CACNA1E: variants seen among roughly 807,000 people sequenced by gnomAD.
The protein encoded by CACNA1E is voltage-dependent R-type calcium channel subunit alpha-1E.
CACNA1E carries 40 observed loss-of-function variants against 259.2 expected under a neutral mutation model. That is an observed-to-expected ratio of 0.15 (90% confidence interval 0.12 to 0.20). The LOEUF is 0.20. Ranked by LOEUF, CACNA1E falls within the 10% of genes least tolerant of loss-of-function variation. The pLI, the probability that CACNA1E is intolerant of heterozygous loss-of-function variation, is 1.00. For synonymous variants in CACNA1E, 1,104 were observed against 1,138.5 expected (o/e 0.97, Z 0.61); for missense variants, 1,874 against 3,040.1 (o/e 0.62, Z 9.02).
At chr1:181,584,537 T>C (rs1430852401) in intron 6 of CACNA1E, among the ~76,000 whole-genome samples, 2 of 152,224 alleles carry the variant, frequency 1.3e-5, no homozygotes, top group African/African-American at 4.8e-5. Context: ...TTTTCACAGC[T>C]GCATATAGTC....
upstream of CACNA1E, among the ~76,000 whole-genome samples, chr1:181,480,707 G>A (rs1045710244): frequency 5.9e-5 from 9 of 152,200 alleles, no homozygotes; most frequent in Non-Finnish European, 1.2e-4. Flanking sequence ...CCGCCAGCCT[G>A]CTGAGGCAGA....
At chr1:181,694,155 G>A (rs2102338759) in intron 7 of CACNA1E, among the ~76,000 whole-genome samples, 1 of 152,278 alleles carries the variant, frequency 6.6e-6, no homozygotes, top group Non-Finnish European at 1.5e-5. Context: ...AGGATAATAT[G>A]TCATTACCAC....
At chr1:181,648,514 G>T (rs1399727318) in intron 6 of CACNA1E, among the ~76,000 whole-genome samples, 1 of 152,144 alleles carries the variant, frequency 6.6e-6, no homozygotes, top group Non-Finnish European at 1.5e-5. Context: ...TGAAATGGTG[G>T]AATAAACAAG....
intron 3 of CACNA1E, among the ~76,000 whole-genome samples, chr1:181,518,487 G>A (rs1262564569): frequency 6.6e-6 from 1 of 152,164 alleles, no homozygotes; most frequent in Admixed American, 6.5e-5. Context: ...GAAAAGATAA[G>A]GTTAGAATAT....
intron 1 of CACNA1E, among the ~76,000 whole-genome samples, chr1:181,364,261 T>G (rs1320395841): frequency 6.6e-6 from 1 of 152,234 alleles, no homozygotes; most frequent in Non-Finnish European, 1.5e-5. Flanking sequence ...CTAAGCGCCT[T>G]TGTCCAGCTT....
chr1:181,331,292 A>T (rs1485951490), intron 1 of CACNA1E, among the ~76,000 whole-genome samples: 1 of 152,122 alleles, frequency 6.6e-6, no homozygotes, highest in Non-Finnish European at 1.5e-5. Context: ...GAACTGGCTT[A>T]CGTGATTACG....
chr1:181,757,784 C>T (rs1040865142), intron 30 of CACNA1E, among the ~76,000 whole-genome samples, 163 bp from the exon 31 acceptor site: 2 of 152,118 alleles, frequency 1.3e-5, no homozygotes, highest in East Asian at 3.9e-4. Context: ...TAAGGTGACG[C>T]CTTGTCTGTA....
intron 37 of CACNA1E, among the ~76,000 whole-genome samples, chr1:181,774,862 C>T (rs886275655): frequency 6.6e-6 from 1 of 152,156 alleles, no homozygotes; most frequent in African/African-American, 2.4e-5. Context: ...TCAGGCAGGA[C>T]CCTTTCACTT....
At chr1:181,788,371 T>C (rs61813241) in intron 43 of CACNA1E, among the ~76,000 whole-genome samples, 5,002 of 152,240 alleles carry the variant, frequency 0.033, 166 homozygotes, top group South Asian at 0.17. Context: ...TCTAGGGGTA[T>C]AGTGGTAGAC....
intron 1 of CACNA1E, among the ~76,000 whole-genome samples, chr1:181,357,888 C>G (rs1468565040): frequency 6.6e-6 from 1 of 152,124 alleles, no homozygotes; most frequent in Non-Finnish European, 1.5e-5. Context: ...GTCACTTCTA[C>G]TCCAGTGAGG....
intron 1 of CACNA1E, among the ~76,000 whole-genome samples, chr1:181,342,444 A>G (rs190196959): frequency 1.3e-5 from 2 of 152,348 alleles, no homozygotes; most frequent in Admixed American, 6.5e-5. Context: ...AACCCTGGGA[A>G]TTACTCAAAT....
At chr1:181,509,908 G>C (rs1052251146) in intron 1 of CACNA1E, among the ~76,000 whole-genome samples, 13 of 152,302 alleles carry the variant, frequency 8.5e-5, no homozygotes, top group African/African-American at 3.1e-4. Flanking sequence ...TTTTAAAATA[G>C]AAGGAAGCTC....
At chr1:181,505,436 A>G (rs1665629268) in intron 1 of CACNA1E, among the ~76,000 whole-genome samples, 1 of 151,876 alleles carries the variant, frequency 6.6e-6, no homozygotes, top group African/African-American at 2.4e-5. Context: ...CAGTCGCACG[A>G]TCTCAGCTCA....
intron 7 of CACNA1E, among the ~76,000 whole-genome samples, chr1:181,694,904 G>T (rs373940621): frequency 1.3e-5 from 2 of 152,146 alleles, no homozygotes; most frequent in South Asian, 4.2e-4. Flanking sequence ...AAAATAAAGG[G>T]TACATAAATT....
At chr1:181,512,055 A>T (rs1666215268) in intron 3 of CACNA1E, among the ~76,000 whole-genome samples, 1 of 152,276 alleles carries the variant, frequency 6.6e-6, no homozygotes, top group Non-Finnish European at 1.5e-5. Flanking sequence ...AAAATGTTGG[A>T]TAAATCATTC....
chr1:181,401,719 C>T lies in CACNA1E; in HGVS notation c.-14-11414C>T, dbSNP rs531248629. 9.2e-5 allele frequency among the ~76,000 whole-genome samples: 14 copies of T among 152,250 alleles called. No homozygotes were observed. The South Asian group carries it at 1.0e-3, about 11-fold the overall frequency. ...TCAACTAGTTTCAGTGAAAACTGCA[C>T]GGATTTTTATGTAGGAAACATCAGG... On this transcript the variant is annotated intron_variant, in intron 1 of 11. Coordinates refer to the CACNA1E transcript ENST00000524607.
At chr1:181,378,960 AT>A (rs148699131) in intron 1 of CACNA1E, among the ~76,000 whole-genome samples, 2,159 of 152,324 alleles carry the variant, frequency 0.014, 61 homozygotes, top group African/African-American at 0.048. Context: ...AATGTCTACC[AT>A]CTAGTTAAAA....
At chr1:181,691,585 A>G (rs966863831) in intron 7 of CACNA1E, among the ~76,000 whole-genome samples, 3 of 152,152 alleles carry the variant, frequency 2.0e-5, no homozygotes, top group African/African-American at 7.2e-5. Context: ...TCATCTTAAT[A>G]GATACAGAAA....
chr1:181,590,417 A>G (rs1013321291), intron 6 of CACNA1E, among the ~76,000 whole-genome samples: 92 of 105,476 alleles, frequency 8.7e-4, no homozygotes, highest in African/African-American at 3.2e-3. Flanking sequence ...AAAAAAAAAA[A>G]TATATATATA....
Sources: allele counts gnomAD v4.1 joint callset (sites outside exome capture counted in the v4.1 genomes callset), GRCh38; gene constraint gnomAD v4.1.1; transcripts MANE v1.5; gene names NCBI Gene and HGNC (gene_info 2026-07-23, HGNC 2026-07-21).